TTC7B: variants seen among roughly 807,000 people sequenced by gnomAD.
TTC7B encodes the protein tetratricopeptide repeat protein 7B.
A neutral mutation model predicts 106.8 loss-of-function variants in TTC7B; 28 were observed. That is an observed-to-expected ratio of 0.26 (90% CI 0.19 to 0.36). The LOEUF is 0.36. TTC7B is among the 10% of genes least tolerant of loss of function. The pLI is 1.00. For synonymous variants in TTC7B, 405 were observed against 430.6 expected, an observed-to-expected ratio of 0.94 and a Z score of 0.74; for missense variants, 862 against 1,076.4, an observed-to-expected ratio of 0.80 and a Z score of 2.79.
intron 19 of TTC7B, among the ~76,000 whole-genome samples, chr14:90,571,797 G>T (rs1407281838): frequency 6.6e-6 from 1 of 152,232 alleles, no homozygotes; most frequent in Non-Finnish European, 1.5e-5. Flanking sequence ...GATGTCTTCT[G>T]AAGACGTTTC....
intron 5 of TTC7B, among the ~76,000 whole-genome samples, chr14:90,700,014 G>A (rs1463226559): frequency 2.0e-5 from 3 of 152,176 alleles, no homozygotes; most frequent in Admixed American, 1.3e-4. Flanking sequence ...ATCATGAGCC[G>A]AATGAACCAA....
At position 90,578,485 on chromosome 14, in the gene TTC7B, T is replaced by C. The variant is rs1408802055; in HGVS notation, c.2108-177A>G. ...ACAGTCCCTCCTGCCCACTCCTATA[T>C]GGGGACTGGAGTCACTCGTGTTGTG... On this transcript the variant is annotated intron_variant, in intron 18 of 19. Transcript: ENST00000328459. This position sits in a 1 kb window ranked among gnomAD's most constrained non-coding sequence, Gnocchi z 4.7. Among the ~76,000 whole-genome samples, 2 of 152,032 alleles carry C rather than the reference T, an allele frequency of 1.3e-5. No homozygotes were observed. The highest frequency in any genetic ancestry group is 4.8e-5 in the African/African-American group (2 of 41,400).
intron 1 of TTC7B, among the ~76,000 whole-genome samples, chr14:90,803,712 C>T (rs1033010095): frequency 5.3e-5 from 8 of 152,130 alleles, no homozygotes; most frequent in African/African-American, 1.9e-4. Flanking sequence ...CACATCTACA[C>T]ACACAGCGCA....
intron 3 of TTC7B, among the ~76,000 whole-genome samples, chr14:90,750,734 T>C (rs1890109831): frequency 6.6e-6 from 1 of 152,260 alleles, no homozygotes; most frequent in Admixed American, 6.5e-5. Flanking sequence ...CTTTAAGGTA[T>C]TAAATTAATT....
chr14:90,541,552 G>A lies in TTC7B; in HGVS notation c.2348C>T (p.Ala783Val), dbSNP rs533835963. ...CACCGCGTCCCGGAGGATCTTCTCC[G>A]CCAGACTGTAGCGGCCTAGCTGGTG... is the stretch of plus-strand genomic sequence containing the variant. ...ILHQLGRYSL[A>V]EKILRDAVQV... Residue 783 changes from alanine (A) to valine (V), a missense_variant, in exon 20 of 20, where the codon GCG becomes GTG. Physicochemically the swap from Ala to Val is moderately conservative, Grantham distance 64. Transcript: ENST00000328459. The A allele has an allele frequency of 1.5e-5, 24 of 1,609,396 alleles. No homozygotes were observed. In the Admixed American group the frequency reaches 1.5e-4, roughly 10 times the overall value.
intron 6 of TTC7B, among the ~76,000 whole-genome samples, chr14:90,694,751 AAAAT>A (rs369081468): frequency 0.029 from 3,883 of 135,058 alleles, 2 homozygotes; most frequent in African/African-American, 0.064. Context: ...TATTTTATAT[AAAAT>A]AAATAAATAT....
At chr14:90,610,719 C>T (rs375688871) in intron 17 of TTC7B, 23 bp downstream of exon 17, 8 of 1,548,050 alleles carry the variant, frequency 5.2e-6, no homozygotes, top group Non-Finnish European at 7.1e-6. Context: ...ACCATTTCGT[C>T]CCCTCTGGCT....
chr14:90,579,518 C>T (rs1055063269), intron 18 of TTC7B, among the ~76,000 whole-genome samples: 4 of 152,248 alleles, frequency 2.6e-5, no homozygotes, highest in African/African-American at 9.6e-5. Flanking sequence ...AAAGTTTAGG[C>T]AAGTTGCGGT....
chr14:90,704,761 G>A (rs1288103479), intron 5 of TTC7B, among the ~76,000 whole-genome samples: 1 of 152,174 alleles, frequency 6.6e-6, no homozygotes, highest in Non-Finnish European at 1.5e-5. Flanking sequence ...AGATGGTGTC[G>A]GGGAAAAAGA....
chr14:90,661,444 G>C lies in TTC7B; in HGVS notation c.1153-3057C>G, dbSNP rs542987735. ...CGGGAGAGACGTAACCCAGGTCTGG[G>C]AGGCATGGGCTGGGACTAAGTAGGG... is the stretch of plus-strand genomic sequence containing the variant. On this transcript the variant is annotated intron_variant, in intron 9 of 19. Transcript: ENST00000328459. Among the ~76,000 whole-genome samples the C allele has an allele frequency of 2.6e-5, 4 of 152,274 alleles. No homozygotes were observed. The South Asian group carries it at 8.3e-4, about 32-fold the overall frequency.
chr14:90,687,705 G>A (rs895131270), intron 7 of TTC7B, among the ~76,000 whole-genome samples: 134 of 152,298 alleles, frequency 8.8e-4, no homozygotes, highest in African/African-American at 3.2e-3. Flanking sequence ...TAGAACAGAT[G>A]TTCTATGAAT....
At chr14:90,576,976 C>T (rs2139802958) in intron 19 of TTC7B, among the ~76,000 whole-genome samples, 1 of 152,244 alleles carries the variant, frequency 6.6e-6, no homozygotes, top group East Asian at 1.9e-4. Context: ...GCTTAGGGGC[C>T]TTTCCTGAGG....
intron 1 of TTC7B, among the ~76,000 whole-genome samples, chr14:90,810,950 G>C (rs970153909): frequency 1.3e-5 from 2 of 152,150 alleles, no homozygotes; most frequent in Non-Finnish European, 2.9e-5. Context: ...GAGGGAAGTC[G>C]GGGGAATGAA....
intron 3 of TTC7B, among the ~76,000 whole-genome samples, chr14:90,773,590 G>A (rs150910632): frequency 3.2e-3 from 494 of 152,276 alleles, no homozygotes; most frequent in Non-Finnish European, 5.1e-3. Flanking sequence ...CTCCATCAGC[G>A]CTCAATAAAT....
intron 18 of TTC7B, among the ~76,000 whole-genome samples, chr14:90,582,845 G>A (rs778970653): frequency 2.6e-5 from 4 of 152,220 alleles, no homozygotes; most frequent in Non-Finnish European, 5.9e-5. Context: ...TAGGCTCCAG[G>A]AATGAAGCTT....
chr14:90,754,948 CAT>C (rs1246364146), intron 3 of TTC7B, among the ~76,000 whole-genome samples: 1 of 152,140 alleles, frequency 6.6e-6, no homozygotes, highest in Non-Finnish European at 1.5e-5. Flanking sequence ...ATTCACATAA[CAT>C]AAAATTAATC....
intron 6 of TTC7B, among the ~76,000 whole-genome samples, chr14:90,692,208 GTTTT>G (rs995237468): frequency 2.0e-5 from 3 of 152,026 alleles, no homozygotes; most frequent in African/African-American, 7.2e-5. Context: ...AACATCTGTG[GTTTT>G]TTTTGTTTGT....
intron 5 of TTC7B, among the ~76,000 whole-genome samples, chr14:90,716,057 C>T (rs540331987): frequency 3.3e-5 from 5 of 152,122 alleles, no homozygotes; most frequent in East Asian, 1.9e-4. Flanking sequence ...AGGTCCGTCA[C>T]GATAGGCAGA....
At chr14:90,631,229 TC>T (rs1436269035) in intron 15 of TTC7B, among the ~76,000 whole-genome samples, 1 of 152,198 alleles carries the variant, frequency 6.6e-6, no homozygotes, top group Non-Finnish European at 1.5e-5. Flanking sequence ...CTTGGCTTGT[TC>T]CCACCTTTTG....
Sources: allele counts gnomAD v4.1 joint callset (sites outside exome capture counted in the v4.1 genomes callset), GRCh38; gene constraint gnomAD v4.1.1; non-coding constraint Gnocchi (gnomAD v3.1); transcripts MANE v1.5; gene names NCBI Gene and HGNC (gene_info 2026-07-23, HGNC 2026-07-21).